DERPC: variants seen among roughly 807,000 people sequenced by gnomAD.
The protein encoded by DERPC is DERPC proline and glycine rich nuclear protein.
In DERPC, 1 loss-of-function variant was observed where a neutral mutation model predicts 7.2. That is an observed-to-expected ratio of 0.14 (90% confidence interval 0.05 to 0.66). The LOEUF (loss-of-function observed/expected upper bound fraction) is 0.66. DERPC is among the 30% of genes least tolerant of loss of function. The pLI, the probability that DERPC is intolerant of heterozygous loss-of-function variation, is 0.84. For missense variants in DERPC, 502 were observed against 299.4 expected (o/e 1.68, Z -4.99); for synonymous variants, 185 against 117.6 (o/e 1.57, Z -3.71).
chr16:69,119,977 G>A lies in DERPC; in HGVS notation c.452C>T (p.Pro151Leu), dbSNP rs1000311617. 5 of 698,192 alleles carry A rather than the reference G, an allele frequency of 7.2e-6. No homozygotes were observed. The African/African-American group carries it at 8.8e-5, about 12-fold the overall frequency. The allele number at this position is 698,192 out of a possible 1,614,324, so 43.2% of individuals were successfully genotyped here. The part of the protein sequence containing the change: ...PLSNPRLGGL[P>L]GPGPMSNPRA... The stretch of plus-strand genomic sequence containing the variant: ...TGGGTTGGACATAGGACCTGGTCCT[G>A]GGAGACCCCCTAACCTGGGGTTAGA... The change falls in exon 3 of 3, where the codon CCA (proline) becomes CTA (leucine). Residue 151 changes from proline to leucine, a missense_variant. Physicochemically the swap from Pro to Leu is moderately conservative, Grantham distance 98 (BLOSUM62 -3). Coordinates refer to ENST00000519520, the MANE Select transcript of DERPC (RefSeq NM_001002847.4).
At chr16:69,127,803 T>G (rs192746764) in intron 1 of DERPC, among the ~76,000 whole-genome samples, 34 of 151,878 alleles carry the variant, frequency 2.2e-4, no homozygotes, top group Non-Finnish European at 3.4e-4. Context: ...AGAGACAGGG[T>G]TTCACCATCT....
chr16:69,129,979 T>C (rs150849746), intron 1 of DERPC, among the ~76,000 whole-genome samples: 1 of 152,354 alleles, frequency 6.6e-6, no homozygotes, highest in African/African-American at 2.4e-5. Context: ...ACGCAAAGCT[T>C]TACCCTCTGC....
chr16:69,122,560 G>GTTTTTA (rs1961758644), intron 1 of DERPC, among the ~76,000 whole-genome samples: 1 of 144,126 alleles, frequency 6.9e-6, no homozygotes. Context: ...TTTTTTTTTG[G>GTTTTTA]GAGGGAGTCT....
At chr16:69,129,459 A>C (rs948884036) in intron 1 of DERPC, among the ~76,000 whole-genome samples, 1 of 151,642 alleles carries the variant, frequency 6.6e-6, no homozygotes. Flanking sequence ...AAGGAAGAAA[A>C]GTAAAGTCCA....
At chr16:69,125,480 T>G (rs889364991) in intron 1 of DERPC, among the ~76,000 whole-genome samples, 1 of 152,120 alleles carries the variant, frequency 6.6e-6, no homozygotes, top group Non-Finnish European at 1.5e-5. Flanking sequence ...TACACAATTC[T>G]GCCTTCCCAA....
At chr16:69,121,283 G>T in intron 2 of DERPC, 153 bp downstream of exon 2, 1 of 1,276,914 alleles carries the variant, frequency 7.8e-7, no homozygotes, top group South Asian at 1.4e-5. Flanking sequence ...CAAGTTCTTG[G>T]GAAATTGGGC....
At chr16:69,123,055 G>A (rs1029884773) in intron 1 of DERPC, among the ~76,000 whole-genome samples, 2 of 151,978 alleles carry the variant, frequency 1.3e-5, no homozygotes, top group African/African-American at 2.4e-5. Flanking sequence ...CACTGCACCC[G>A]GCCTCTTACT....
Position 69,118,362 on chromosome 16 carries a change from G to A in DERPC, c.*492C>T, listed in dbSNP as rs906108066. The A allele has an allele frequency of 4.4e-6, 7 of 1,604,126 alleles. No homozygotes were observed. The highest frequency in any genetic ancestry group is 1.3e-5 in the African/African-American group (1 of 74,768). ...CCCTGTTCTGTGTTCAAGCCCCCAGGGAAAGGTATGGCAGTAGAGGATGAC... is the reference window on the plus strand; with the variant it reads ...CCCTGTTCTGTGTTCAAGCCCCCAGAGAAAGGTATGGCAGTAGAGGATGAC... On this transcript the variant is annotated 3_prime_UTR_variant, in exon 3 of 3. Coordinates refer to ENST00000519520, the MANE Select transcript of DERPC (RefSeq NM_001002847.4).
rs775549046 is a variant in DERPC, at chr16:69,119,975, C to T, written c.454G>A (p.Gly152Arg). 9 of 698,338 alleles carry T rather than the reference C, an allele frequency of 1.3e-5. No homozygotes were observed. Among genetic ancestry groups the T allele is most frequent in the South Asian group, 1.0e-4 (7 of 67,536 alleles). The allele number at this position is 698,338 out of a possible 1,614,324, so 43.3% of individuals were successfully genotyped here. A position where few individuals can be genotyped will look rare whatever the true frequency, so the allele number is the denominator to read the frequency against. Residue 152 changes from glycine to arginine, a missense_variant, in exon 3 of 3, where the codon GGA becomes AGA. By Grantham distance (125) the Gly-to-Arg change is moderately radical (BLOSUM62 -2). Coordinates refer to ENST00000519520, the MANE Select transcript of DERPC (RefSeq NM_001002847.4). ...LSNPRLGGLP[G>R]PGPMSNPRAG... is the part of the protein sequence containing the mutation. ...CTTGGGTTGGACATAGGACCTGGTC[C>T]TGGGAGACCCCCTAACCTGGGGTTA...
rs117142013 is a variant in DERPC at position 69,120,696 on chromosome 16, A to C, written c.-221-47T>G. 2.0e-6 allele frequency: 3 copies of C among 1,535,662 alleles called. No homozygotes were observed. Among genetic ancestry groups the C allele is most frequent in the East Asian group, 2.3e-5 (1 of 44,268 alleles). The stretch of plus-strand genomic sequence containing the variant: ...ATTCCTGAGGTTCCGGGGCAAGGCC[A>C]TAACACTCAGGCGCCTCCTAAAGCT... On this transcript the variant is annotated intron_variant, in intron 2 of 2. Coordinates refer to ENST00000519520, the MANE Select transcript of DERPC (RefSeq NM_001002847.4). The surrounding 1 kb of genome is among the most constrained non-coding windows in gnomAD (Gnocchi z 4.0).
chr16:69,129,598 C>T (rs1305814359), intron 1 of DERPC, among the ~76,000 whole-genome samples: 3 of 152,142 alleles, frequency 2.0e-5, no homozygotes, highest in African/African-American at 7.2e-5. Flanking sequence ...TCCCATTTCA[C>T]AAATGAGGAA....
chr16:69,132,278 G>GCGCCGCCCTCC (rs1338070613), intron 1 of DERPC: 12 of 35,764 alleles, frequency 3.4e-4, no homozygotes, highest in African/African-American at 1.0e-3. Flanking sequence ...CCCCACCTCC[G>GCGCCGCCCTCC]CGCCGCCCTC....
At position 69,118,497 on chromosome 16, in the gene DERPC, T is replaced by C. The variant is rs758301697; in HGVS notation, c.*357A>G. 1 of 1,253,930 alleles carries C rather than the reference T, an allele frequency of 8.0e-7. No individual in the cohort carries two copies. Among genetic ancestry groups the C allele is most frequent in the Non-Finnish European group, 1.2e-6 (1 of 850,492 alleles). 77.7% of individuals were successfully genotyped at this position (1,253,930 alleles called of 1,614,324 possible). A position where few individuals can be genotyped will look rare whatever the true frequency, so the allele number is the denominator to read the frequency against. ...CCAATGGTGAGCAGGGGACTACATG[T>C]GAACTGGGACCTGCAGGCCAATGTA... is the stretch of plus-strand genomic sequence containing the variant. On this transcript the variant is annotated 3_prime_UTR_variant, in exon 3 of 3. Coordinates refer to ENST00000519520, the MANE Select transcript of DERPC (RefSeq NM_001002847.4).
chr16:69,122,365 CTTT>C (rs869246617), intron 1 of DERPC, among the ~76,000 whole-genome samples: 6 of 140,426 alleles, frequency 4.3e-5, no homozygotes, highest in African/African-American at 1.0e-4. Flanking sequence ...TAAGGATATT[CTTT>C]TTTTTTTTTT....
In DERPC at chr16:69,120,185, T is replaced by C. The variant is rs1961527779; in HGVS notation, c.244A>G (p.Asn82Asp). 1 of 701,724 alleles carries C rather than the reference T, an allele frequency of 1.4e-6. No individual in the cohort carries two copies. The highest frequency in any genetic ancestry group is 1.7e-5 in the African/African-American group (1 of 57,216). The allele number at this position is 701,724 out of a possible 1,614,324, so 43.5% of individuals were successfully genotyped here. A position where few individuals can be genotyped will look rare whatever the true frequency, so the allele number is the denominator to read the frequency against. ...FPASSGSLAS[N>D]PAPFPAGARD... ...GCACCAGCCGGGAAAGGTGCTGGAT[T>C]TGAAGCCAATGAGCCTGATGAAGCT... is the stretch of plus-strand genomic sequence containing the variant. Residue 82 changes from asparagine (N) to aspartate (D), a missense_variant, in exon 3 of 3, where the codon AAT becomes GAT. Physicochemically the swap from Asn to Asp is conservative, Grantham distance 23 (BLOSUM62 1). Coordinates refer to ENST00000519520, the MANE Select transcript of DERPC (RefSeq NM_001002847.4). This position sits in a 1 kb window ranked among gnomAD's most constrained non-coding sequence, Gnocchi z 4.0.
intron 1 of DERPC, among the ~76,000 whole-genome samples, chr16:69,128,795 G>C (rs947418949): frequency 6.6e-6 from 1 of 152,180 alleles, no homozygotes; most frequent in African/African-American, 2.4e-5. Context: ...GCCAGGCACG[G>C]TGGCTCACGT....
Position 69,119,183 on chromosome 16 carries a change from C to T in DERPC, c.1246G>A (p.Ala416Thr), listed in dbSNP as rs1371499013. The change falls in exon 3 of 3, where the codon GCC becomes ACC. Residue 416 changes from alanine (A) to threonine (T), a missense_variant. Ala to Thr is a moderately conservative substitution (Grantham distance 58). Transcript: ENST00000519520. Reference protein sequence around the residue: ...LGPNPANFPRATGLQGPSPTT... With the variant: ...LGPNPANFPRTTGLQGPSPTT... ...GGACTTGGACCCTGCAGGCCAGTGG[C>T]CCTTGGGAAGTTAGCTGGGTTGGGG... 4.3e-6 allele frequency: 3 copies of T among 703,040 alleles called. No individual in the cohort carries two copies. Among genetic ancestry groups the T allele is most frequent in the East Asian group, 2.7e-5 (1 of 37,284 alleles). 43.6% of individuals were successfully genotyped at this position (703,040 alleles called of 1,614,324 possible). A position where few individuals can be genotyped will look rare whatever the true frequency, so the allele number is the denominator to read the frequency against.
At chr16:69,126,725 C>T (rs1962085761) in intron 1 of DERPC, among the ~76,000 whole-genome samples, 1 of 152,212 alleles carries the variant, frequency 6.6e-6, no homozygotes, top group South Asian at 2.1e-4. Context: ...TACTACTAGT[C>T]AGGAACGTAG....
chr16:69,122,085 C>A (rs116763273), intron 1 of DERPC, among the ~76,000 whole-genome samples: 2,273 of 152,212 alleles, frequency 0.015, 57 homozygotes, highest in African/African-American at 0.052. Context: ...CATGCCTGGC[C>A]GACAACTAAT....
Sources: gnomAD v4.1 joint callset for allele counts (sites outside exome capture counted in the v4.1 genomes callset) on GRCh38, gnomAD v4.1.1 for gene constraint, Gnocchi (gnomAD v3.1) non-coding constraint, MANE v1.5 for transcripts, NCBI Gene and HGNC (gene_info 2026-07-23, HGNC 2026-07-21) for gene names.